TRHDE: variants seen among roughly 807,000 people sequenced by gnomAD.
TRHDE encodes thyrotropin-releasing hormone-degrading ectoenzyme.
A neutral mutation model predicts 125.7 loss-of-function variants in TRHDE; 72 were observed. The observed-to-expected ratio is 0.57, with a 90% CI of 0.47 to 0.70. The LOEUF (loss-of-function observed/expected upper bound fraction) is 0.70, where lower values mean the gene tolerates loss of function less well. Ranked by LOEUF, TRHDE falls within the 30% of genes least tolerant of loss-of-function variation. TRHDE has a pLI of 0.00. For missense variants in TRHDE, 1,110 were observed against 1,327.1 expected (o/e 0.84, Z 2.54); for synonymous variants, 509 against 509.1 (o/e 1.00, Z 0.00).
In TRHDE at chr12:72,117,054, GTGT is replaced by G. The variant is rs1416386861; in HGVS notation, n.279+11307_279+11309del. 2.0e-5 allele frequency among the ~76,000 whole-genome samples: 3 copies of G among 152,032 alleles called. No individual in the cohort carries two copies. In the East Asian group the frequency reaches 5.8e-4, roughly 29 times the overall value. On this transcript the variant is annotated intron_variant and non_coding_transcript_variant, in intron 2 of 4. Transcript: ENST00000548156. ...CCATTCTGTGGGTTGTCTCTTCTCTGTGTTGTTTTCTTTGCTGTGCAGAAGGTT... is the reference window on the plus strand; with the variant it reads ...CCATTCTGTGGGTTGTCTCTTCTCTGTGTTTTCTTTGCTGTGCAGAAGGTT...
In TRHDE at chr12:72,272,806, G is replaced by C. The variant is rs779575417; in HGVS notation, c.163G>C (p.Ala55Pro). 2 of 1,566,476 alleles carry C rather than the reference G, an allele frequency of 1.3e-6. No individual in the cohort carries two copies. Among genetic ancestry groups the C allele is most frequent in the African/African-American group, 1.4e-5 (1 of 74,032 alleles). ...AMGEDDAALR[A>P]GSRGLSDPWA... ...GGGGGAAGACGACGCCGCGCTTCGG[G>C]CTGGCAGCAGGGGGCTCTCCGACCC... The change falls in exon 1 of 19, where the codon GCT becomes CCT. Residue 55 changes from alanine (A) to proline (P), a missense_variant. Coordinates refer to ENST00000261180, the MANE Select transcript of TRHDE (RefSeq NM_013381.3). This position sits in a 1 kb window ranked among gnomAD's most constrained non-coding sequence, Gnocchi z 6.7.
chr12:72,338,413 T>G (rs1023335750), intron 2 of TRHDE, among the ~76,000 whole-genome samples: 1 of 152,174 alleles, frequency 6.6e-6, no homozygotes, highest in Non-Finnish European at 1.5e-5. Context: ...AAGAAATAGC[T>G]AAATTGACCT....
chr12:72,096,486 C>CTG (rs1874925538), intron 1 of TRHDE, among the ~76,000 whole-genome samples: 1 of 152,222 alleles, frequency 6.6e-6, no homozygotes. Flanking sequence ...ACCAGTGCTA[C>CTG]TGCCTCTACC....
intron 3 of TRHDE, among the ~76,000 whole-genome samples, chr12:72,450,940 G>A (rs1235084993): frequency 6.6e-6 from 1 of 152,030 alleles, no homozygotes; most frequent in African/African-American, 2.4e-5. Flanking sequence ...CCATTTGTAT[G>A]TCTTCTTTGG....
At chr12:72,636,093 C>A (rs1873735485) in intron 15 of TRHDE, among the ~76,000 whole-genome samples, 1 of 151,954 alleles carries the variant, frequency 6.6e-6, no homozygotes, top group African/African-American at 2.4e-5. Context: ...TTACCTTGGG[C>A]AGTATGGCCA....
At chr12:72,608,682 T>C (rs1307668735) in intron 12 of TRHDE, among the ~76,000 whole-genome samples, 1 of 152,226 alleles carries the variant, frequency 6.6e-6, no homozygotes, top group Non-Finnish European at 1.5e-5. Context: ...ATGTCAGCCA[T>C]GAACCAAACT....
intron 3 of TRHDE, among the ~76,000 whole-genome samples, chr12:72,431,316 A>G (rs1874468689): frequency 6.6e-6 from 1 of 152,316 alleles, no homozygotes; most frequent in Admixed American, 6.5e-5. Flanking sequence ...AAAATGCCAC[A>G]AACACCATTT....
At chr12:72,222,925 T>G (rs1335129255) in intron 2 of TRHDE, among the ~76,000 whole-genome samples, 2 of 152,086 alleles carry the variant, frequency 1.3e-5, no homozygotes, top group Admixed American at 1.3e-4. Flanking sequence ...CTTAAAAAAC[T>G]TTTGCCTCAG....
chr12:72,487,372 A>G (rs1311358722), intron 5 of TRHDE, among the ~76,000 whole-genome samples: 2 of 152,200 alleles, frequency 1.3e-5, no homozygotes, highest in Admixed American at 6.5e-5. Context: ...GACAAAGAGA[A>G]TATTTTAAAA....
At chr12:72,635,415 T>A (rs1277913248) in intron 15 of TRHDE, among the ~76,000 whole-genome samples, 1 of 151,678 alleles carries the variant, frequency 6.6e-6, no homozygotes, top group Non-Finnish European at 1.5e-5. Context: ...CTTTGTCAGA[T>A]GAGTAGGTTG....
rs550287051 is a variant in TRHDE, at chr12:72,565,530, C to T, written c.2042+2490C>T. Among the ~76,000 whole-genome samples the T allele has an allele frequency of 1.8e-4, 27 of 152,180 alleles. No homozygotes were observed. The South Asian group carries it at 5.0e-3, about 28-fold the overall frequency. The stretch of plus-strand genomic sequence containing the variant: ...AATTTGCGTAGCCTTTTTCATTATA[C>T]AGTTAATGCATTGCAATGTAAAGTA... On this transcript the variant is annotated intron_variant, in intron 9 of 18. Coordinates refer to ENST00000261180, the MANE Select transcript of TRHDE (RefSeq NM_013381.3).
At chr12:72,435,971 TC>T (rs971403514) in intron 3 of TRHDE, among the ~76,000 whole-genome samples, 7 of 151,766 alleles carry the variant, frequency 4.6e-5, no homozygotes, top group African/African-American at 1.5e-4. Flanking sequence ...TCACATATGT[TC>T]CCCCCGACCA....
intron 2 of TRHDE, among the ~76,000 whole-genome samples, chr12:72,123,733 T>G (rs1875645792): frequency 6.6e-6 from 1 of 152,174 alleles, no homozygotes; most frequent in Admixed American, 6.5e-5. Flanking sequence ...ATTTGATGAG[T>G]TATGACAGAA....
chr12:72,607,929 T>C (rs1872514184), intron 12 of TRHDE, among the ~76,000 whole-genome samples: 1 of 152,170 alleles, frequency 6.6e-6, no homozygotes, highest in African/African-American at 2.4e-5. Flanking sequence ...TCAAAAATGT[T>C]CCACTTTTTG....
chr12:72,351,325 A>G (rs1466936302), intron 2 of TRHDE, among the ~76,000 whole-genome samples: 2 of 151,962 alleles, frequency 1.3e-5, no homozygotes, highest in African/African-American at 2.4e-5. Flanking sequence ...ATTACAGAAT[A>G]TCCAGAACTA....
chr12:72,368,552 A>C (rs1419764673), intron 2 of TRHDE, among the ~76,000 whole-genome samples: 1 of 152,086 alleles, frequency 6.6e-6, no homozygotes, highest in East Asian at 1.9e-4. Flanking sequence ...ATTAGATCAA[A>C]TTTGTTATTC....
At chr12:72,450,277 G>A (rs1358282229) in intron 3 of TRHDE, among the ~76,000 whole-genome samples, 1 of 151,952 alleles carries the variant, frequency 6.6e-6, no homozygotes, top group African/African-American at 2.4e-5. Context: ...CCCATCTAAA[G>A]CAGTGATTTT....
intron 15 of TRHDE, among the ~76,000 whole-genome samples, chr12:72,651,642 A>C (rs1318701234): frequency 1.3e-5 from 2 of 152,014 alleles, no homozygotes; most frequent in Non-Finnish European, 2.9e-5. Flanking sequence ...TCACTAAGGC[A>C]AAGTAGGGAT....
intron 1 of TRHDE, among the ~76,000 whole-genome samples, chr12:72,094,164 G>T (rs1327673793): frequency 1.3e-5 from 2 of 152,190 alleles, no homozygotes; most frequent in African/African-American, 2.4e-5. Flanking sequence ...TGCCTCTGGG[G>T]CCTTGGCCAG....
Sources: gnomAD v4.1 joint callset for allele counts (sites outside exome capture counted in the v4.1 genomes callset) on GRCh38, gnomAD v4.1.1 for gene constraint, Gnocchi (gnomAD v3.1) non-coding constraint, MANE v1.5 for transcripts, NCBI Gene and HGNC (gene_info 2026-07-23, HGNC 2026-07-21) for gene names.